TMEM132D: variants seen among roughly 807,000 people sequenced by gnomAD.
The protein encoded by TMEM132D is mature OL transmembrane protein.
TMEM132D carries 21 observed loss-of-function variants against 62.3 expected under a neutral mutation model. The observed-to-expected ratio is 0.34, with a 90% CI of 0.24 to 0.49. TMEM132D has a LOEUF of 0.49. TMEM132D is among the 20% of genes least tolerant of loss of function. The pLI is 0.99. For missense variants in TMEM132D, 1,346 were observed against 1,402.8 expected (o/e 0.96, Z 0.65); for synonymous variants, 621 against 575.6 (o/e 1.08, Z -1.13).
intron 2 of TMEM132D, among the ~76,000 whole-genome samples, chr12:129,614,217 G>T (rs1303431466): frequency 6.6e-6 from 1 of 152,242 alleles, no homozygotes; most frequent in Non-Finnish European, 1.5e-5. Context: ...TATCAGTGAG[G>T]ACTGCACTTG....
chr12:129,238,345 T>A (rs1879841409), intron 4 of TMEM132D, among the ~76,000 whole-genome samples: 1 of 152,210 alleles, frequency 6.6e-6, no homozygotes, highest in Non-Finnish European at 1.5e-5. Context: ...ATACACATAA[T>A]ATAAAAGTTT....
At chr12:129,483,988 G>A (rs1874506494) in intron 3 of TMEM132D, among the ~76,000 whole-genome samples, 2 of 151,140 alleles carry the variant, frequency 1.3e-5, no homozygotes, top group South Asian at 4.2e-4. Context: ...TCTTTTTTTT[G>A]AGGCAGAGTC....
intron 1 of TMEM132D, among the ~76,000 whole-genome samples, chr12:129,768,591 T>C (rs1326371760): frequency 6.6e-6 from 1 of 152,102 alleles, no homozygotes; most frequent in Non-Finnish European, 1.5e-5. Flanking sequence ...TTCTTCTGCC[T>C]GGAACGGGGC....
chr12:129,151,097 C>T (rs574348923), intron 5 of TMEM132D, among the ~76,000 whole-genome samples: 25 of 152,306 alleles, frequency 1.6e-4, no homozygotes, highest in African/African-American at 5.8e-4. Flanking sequence ...TCCGACTTCA[C>T]GAGGCACATC....
intron 1 of TMEM132D, among the ~76,000 whole-genome samples, chr12:129,799,265 G>T (rs944623737): frequency 6.7e-6 from 1 of 149,318 alleles, no homozygotes; most frequent in African/African-American, 2.6e-5. Flanking sequence ...TGGGCAACAA[G>T]AGCGAGACTC....
chr12:129,324,222 T>C (rs1868820211), intron 4 of TMEM132D, among the ~76,000 whole-genome samples: 1 of 152,192 alleles, frequency 6.6e-6, no homozygotes, highest in Non-Finnish European at 1.5e-5. Context: ...CTGGTGATTG[T>C]TACCAGTTTA....
At chr12:129,144,900 CTCTA>C (rs35319395) in intron 5 of TMEM132D, among the ~76,000 whole-genome samples, 53,212 of 150,830 alleles carry the variant, frequency 0.35, 10,540 homozygotes, top group Non-Finnish European at 0.45. Flanking sequence ...ATCTATCCTG[CTCTA>C]TCTATCTATC....
chr12:129,444,363 G>A (rs868616989), intron 3 of TMEM132D, among the ~76,000 whole-genome samples: 50 of 151,376 alleles, frequency 3.3e-4, no homozygotes, highest in Admixed American at 9.9e-4. Flanking sequence ...CAATACATTC[G>A]ACAAAGGCCT....
At chr12:129,079,385 C>T (rs1874383189) in intron 7 of TMEM132D, among the ~76,000 whole-genome samples, 3 of 152,202 alleles carry the variant, frequency 2.0e-5, no homozygotes, top group African/African-American at 7.2e-5. Context: ...AACCCAAAGC[C>T]TCATTTCTCC....
chr12:129,667,864 T>C (rs561766130), intron 2 of TMEM132D, among the ~76,000 whole-genome samples: 172 of 152,130 alleles, frequency 1.1e-3, no homozygotes, highest in African/African-American at 4.0e-3. Context: ...TACGACTTAG[T>C]CTATGTTATC....
At chr12:129,660,677 T>C (rs1041518064) in intron 2 of TMEM132D, among the ~76,000 whole-genome samples, 2 of 152,128 alleles carry the variant, frequency 1.3e-5, no homozygotes, top group African/African-American at 4.8e-5. Context: ...GTCACTCATG[T>C]GCGGGGGGTA....
At chr12:129,313,448 T>C (rs1882029745) in intron 4 of TMEM132D, among the ~76,000 whole-genome samples, 1 of 152,130 alleles carries the variant, frequency 6.6e-6, no homozygotes, top group Non-Finnish European at 1.5e-5. Flanking sequence ...TTACTTCACT[T>C]AGAATAATAG....
At chr12:129,124,356 T>C (rs1419597255) in intron 5 of TMEM132D, among the ~76,000 whole-genome samples, 1 of 152,186 alleles carries the variant, frequency 6.6e-6, no homozygotes, top group Non-Finnish European at 1.5e-5. Flanking sequence ...TACATTTATG[T>C]GCATAAATGT....
At chr12:129,269,252 T>C (rs1234900656) in intron 4 of TMEM132D, among the ~76,000 whole-genome samples, 3 of 152,198 alleles carry the variant, frequency 2.0e-5, no homozygotes, top group African/African-American at 4.8e-5. Flanking sequence ...TCAGCTTGTA[T>C]AGTGATTTTT....
At chr12:129,782,993 T>C (rs1217642655) in intron 1 of TMEM132D, among the ~76,000 whole-genome samples, 1 of 152,248 alleles carries the variant, frequency 6.6e-6, no homozygotes, top group East Asian at 1.9e-4. Context: ...TCTTCTTGTT[T>C]GTGTCTGTTA....
chr12:129,238,994 C>G (rs1202850278), intron 4 of TMEM132D, among the ~76,000 whole-genome samples: 1 of 106,756 alleles, frequency 9.4e-6, no homozygotes, highest in Non-Finnish European at 1.9e-5. Context: ...TTGTTATTTT[C>G]TGTTTTTTTT....
At chr12:129,551,338 T>A (rs941424501) in intron 2 of TMEM132D, among the ~76,000 whole-genome samples, 3 of 152,232 alleles carry the variant, frequency 2.0e-5, no homozygotes, top group African/African-American at 7.2e-5. Context: ...GAAGTGAAAC[T>A]GGAAAATCAT....
At chr12:129,825,002 A>T (rs1329764041) in intron 1 of TMEM132D, among the ~76,000 whole-genome samples, 1 of 143,356 alleles carries the variant, frequency 7.0e-6, no homozygotes, top group Non-Finnish European at 1.5e-5. Flanking sequence ...TTTAACACAG[A>T]TGGGCAGTCT....
chr12:129,229,926 T>C (rs942957861), intron 4 of TMEM132D, among the ~76,000 whole-genome samples: 2 of 152,330 alleles, frequency 1.3e-5, no homozygotes, highest in African/African-American at 4.8e-5. Context: ...AGTTTGGCCC[T>C]GGAATACATT....
Sources: gnomAD v4.1 joint callset for allele counts (sites outside exome capture counted in the v4.1 genomes callset) on GRCh38, gnomAD v4.1.1 for gene constraint, MANE v1.5 for transcripts, NCBI Gene and HGNC (gene_info 2026-07-23, HGNC 2026-07-21) for gene names.